The following VPS26C variants were observed in gnomAD, a reference collection of about 807,000 sequenced individuals.
The protein encoded by VPS26C is VPS26 endosomal protein sorting factor C.
Under a neutral mutation model 30.6 loss-of-function variants are expected in VPS26C, and 19 were observed. The ratio of observed to expected loss-of-function variants is 0.62; its 90% CI spans 0.43 to 0.91. The LOEUF is 0.91. VPS26C is among the 40% of genes least tolerant of loss of function. The pLI is 0.00. For missense variants in VPS26C, 318 were observed against 385.1 expected (o/e 0.83, Z 1.46); for synonymous variants, 132 against 151.5 (o/e 0.87, Z 0.95).
chr21:37,243,494 G>T (rs548394686), intron 1 of VPS26C, among the ~76,000 whole-genome samples: 1 of 152,312 alleles, frequency 6.6e-6, no homozygotes, highest in South Asian at 2.1e-4. Context: ...AGAGAAGCCA[G>T]CACAGACACT....
Position 37,224,388 on chromosome 21 carries a change from A to T in VPS26C, c.*1156T>A, listed in dbSNP as rs1038615922. On this transcript the variant is annotated 3_prime_UTR_variant, in exon 8 of 8. Transcript: ENST00000309117. ...CTACAAAAAATTTGAAAATTAGCTG[A>T]GTGTGGTGGCACTCACCTGTAGTCT... 6.6e-6 allele frequency: 1 copy of T among 151,964 alleles called. No individual in the cohort carries two copies. The highest frequency in any genetic ancestry group is 2.4e-5 in the African/African-American group (1 of 41,330). The allele number at this position is 151,964 out of a possible 1,614,324, so 9.4% of individuals were successfully genotyped here. A position where few individuals can be genotyped will look rare whatever the true frequency, so the allele number is the denominator to read the frequency against.
At chr21:37,230,375 G>A (rs1386705369) in intron 5 of VPS26C, 1 of 152,108 alleles carries the variant, frequency 6.6e-6, no homozygotes, top group Admixed American at 6.5e-5. Context: ...ATACTATTTT[G>A]AGTCTGAGCT....
At chr21:37,267,501 G>C (rs776233091), upstream of VPS26C, 13 of 592,036 alleles carry the variant, frequency 2.2e-5, no homozygotes, top group Non-Finnish European at 3.9e-5. Flanking sequence ...GCCGGCCTTA[G>C]TGCGGGCCGA....
Position 37,233,352 on chromosome 21 carries a change from T to A in VPS26C, c.432+10A>T. On this transcript the variant is annotated intron_variant, in intron 4 of 7. Transcript: ENST00000309117. The surrounding 1 kb of genome is among the most constrained non-coding windows in gnomAD (Gnocchi z 5.2). ...ATCATTAAGCACCAGAGTCCCCGAG[T>A]GAAGCTTACAGCGGAGTGAACGATA... The A allele has an allele frequency of 6.2e-7, 1 of 1,612,734 alleles. No homozygotes were observed.
intron 1 of VPS26C, among the ~76,000 whole-genome samples, chr21:37,247,086 A>T (rs988396461): frequency 6.6e-6 from 1 of 152,222 alleles, no homozygotes; most frequent in African/African-American, 2.4e-5. Context: ...TGTAAGCCAT[A>T]TGTGACTATT....
In VPS26C at chr21:37,225,119, C is replaced by T; in HGVS notation, c.*425G>A. ...CGCTTGCAGCCATCCTGGATGTCAA[C>T]TGGCCACAGACCCTTTGCTATGGGG... On this transcript the variant is annotated 3_prime_UTR_variant, in exon 8 of 8. Coordinates refer to ENST00000309117, the MANE Select transcript of VPS26C (RefSeq NM_006052.2). The T allele has an allele frequency of 5.5e-6, 1 of 182,182 alleles. No homozygotes were observed. Among genetic ancestry groups the T allele is most frequent in the African/African-American group, 2.3e-5 (1 of 43,094 alleles). The allele number at this position is 182,182 out of a possible 1,614,324, so 11.3% of individuals were successfully genotyped here.
chr21:37,254,907 T>A (rs1424221045), intron 1 of VPS26C, among the ~76,000 whole-genome samples: 2 of 152,154 alleles, frequency 1.3e-5, no homozygotes, highest in African/African-American at 4.8e-5. Context: ...GGTCTCTGCT[T>A]CAGGTTAATC....
At chr21:37,229,032 A>C (rs1297779654) in intron 5 of VPS26C, 1 of 147,382 alleles carries the variant, frequency 6.8e-6, no homozygotes, top group Non-Finnish European at 1.5e-5. Flanking sequence ...AAAAAAAAAA[A>C]CATTCAAAGA....
At chr21:37,234,501 T>C (rs1463161965) in intron 3 of VPS26C, among the ~76,000 whole-genome samples, 2 of 152,190 alleles carry the variant, frequency 1.3e-5, no homozygotes, top group Non-Finnish European at 2.9e-5. Flanking sequence ...CAAATCCCTG[T>C]CCGTGAGCTG....
intron 1 of VPS26C, among the ~76,000 whole-genome samples, chr21:37,260,764 C>G (rs751534038): frequency 2.6e-5 from 4 of 152,148 alleles, no homozygotes; most frequent in African/African-American, 9.7e-5. Context: ...TTATTTGAAT[C>G]ATGATCTTAA....
chr21:37,237,920 T>C (rs2086041498), intron 3 of VPS26C, among the ~76,000 whole-genome samples: 1 of 152,180 alleles, frequency 6.6e-6, no homozygotes, highest in Non-Finnish European at 1.5e-5. Context: ...AAGGAAAGGC[T>C]ATCTCACCCC....
At chr21:37,241,276 C>T (rs1260675626) in intron 1 of VPS26C, among the ~76,000 whole-genome samples, 1 of 152,178 alleles carries the variant, frequency 6.6e-6, no homozygotes, top group Non-Finnish European at 1.5e-5. Context: ...GCATCGGCGC[C>T]TCCATTCCCT....
In VPS26C at chr21:37,233,192, C is replaced by T. The variant is rs2148286357; in HGVS notation, c.432+170G>A. ...GGACTCTGGGCCCAGGACAATGATG[C>T]ACACGTGATGCGCATGCCACCGACT... is the stretch of plus-strand genomic sequence containing the variant. On this transcript the variant is annotated intron_variant, in intron 4 of 7. Coordinates refer to ENST00000309117, the MANE Select transcript of VPS26C (RefSeq NM_006052.2). The surrounding 1 kb of genome is among the most constrained non-coding windows in gnomAD (Gnocchi z 5.2). 1 of 615,674 alleles carries T rather than the reference C, an allele frequency of 1.6e-6. No individual in the cohort carries two copies. The highest frequency in any genetic ancestry group is 2.9e-6 in the Non-Finnish European group (1 of 344,922). The allele number at this position is 615,674 out of a possible 1,614,324, so 38.1% of individuals were successfully genotyped here. A position where few individuals can be genotyped will look rare whatever the true frequency, so the allele number is the denominator to read the frequency against.
At chr21:37,264,580 T>G (rs2086339672) in intron 1 of VPS26C, among the ~76,000 whole-genome samples, 1 of 152,244 alleles carries the variant, frequency 6.6e-6, no homozygotes, top group Non-Finnish European at 1.5e-5. Context: ...ATACTAAAGT[T>G]AAATGCATAT....
intron 4 of VPS26C, chr21:37,232,656 A>AG: frequency 1.7e-6 from 1 of 601,216 alleles, no homozygotes; most frequent in Admixed American, 2.9e-5. Flanking sequence ...CTGTAAAATG[A>AG]GGGGAGAGAT....
intron 1 of VPS26C, among the ~76,000 whole-genome samples, chr21:37,251,633 T>C (rs1357596951): frequency 1.3e-5 from 2 of 152,252 alleles, no homozygotes; most frequent in Admixed American, 6.5e-5. Context: ...CCTTGATGAA[T>C]AGGGTGGGTG....
chr21:37,226,401 C>T lies in VPS26C; in HGVS notation c.812-775G>A, dbSNP rs1029001417. On this transcript the variant is annotated intron_variant, in intron 7 of 7. Transcript: ENST00000309117. The surrounding 1 kb of genome is among the most constrained non-coding windows in gnomAD (Gnocchi z 4.1). The stretch of plus-strand genomic sequence containing the variant: ...GACAACATCCCCGTGTGGGAGTGTC[C>T]ACCTCCGCCCAAACATCAGCCACAA... 6.6e-6 allele frequency: 1 copy of T among 152,332 alleles called. No homozygotes were observed. The highest frequency in any genetic ancestry group is 2.4e-5 in the African/African-American group (1 of 41,470). 9.4% of individuals were successfully genotyped at this position (152,332 alleles called of 1,614,324 possible).
chr21:37,226,134 A>C lies in VPS26C; in HGVS notation c.812-508T>G. 6.4e-6 allele frequency: 1 copy of C among 157,276 alleles called. No individual in the cohort carries two copies. The highest frequency in any genetic ancestry group is 1.4e-5 in the Non-Finnish European group (1 of 70,606). The allele number at this position is 157,276 out of a possible 1,614,324, so 9.7% of individuals were successfully genotyped here. A position where few individuals can be genotyped will look rare whatever the true frequency, so the allele number is the denominator to read the frequency against. On this transcript the variant is annotated intron_variant, in intron 7 of 7. Coordinates refer to ENST00000309117, the MANE Select transcript of VPS26C (RefSeq NM_006052.2). The surrounding 1 kb of genome is among the most constrained non-coding windows in gnomAD (Gnocchi z 4.1). Reference sequence around the variant, plus strand: ...ATTCATCCATCACCTTTCAGCAAACAGGATTCCTTCTCCACCGACTCTTCA... The same window carrying C: ...ATTCATCCATCACCTTTCAGCAAACCGGATTCCTTCTCCACCGACTCTTCA...
At chr21:37,253,967 CT>C (rs1235068174) in intron 1 of VPS26C, among the ~76,000 whole-genome samples, 1 of 152,338 alleles carries the variant, frequency 6.6e-6, no homozygotes, top group East Asian at 1.9e-4. Flanking sequence ...AACATTCCAA[CT>C]TGTAGGTTTA....
Sources: gnomAD v4.1 joint callset for allele counts (sites outside exome capture counted in the v4.1 genomes callset) on GRCh38, gnomAD v4.1.1 for gene constraint, Gnocchi (gnomAD v3.1) non-coding constraint, MANE v1.5 for transcripts, NCBI Gene and HGNC (gene_info 2026-07-23, HGNC 2026-07-21) for gene names.